VCAN: variants seen among roughly 807,000 people sequenced by gnomAD.
VCAN encodes versican core protein.
Under a neutral mutation model 245.5 loss-of-function variants are expected in VCAN, and 44 were observed. The ratio of observed to expected loss-of-function variants is 0.18; its 90% CI spans 0.14 to 0.23. VCAN has a LOEUF of 0.23. Ranked by LOEUF, VCAN falls within the 10% of genes least tolerant of loss-of-function variation. The pLI is 1.00. For synonymous variants in VCAN, 1,413 were observed against 1,437.0 expected, an observed-to-expected ratio of 0.98 and a Z score of 0.38; for missense variants, 3,793 against 4,057.9, an observed-to-expected ratio of 0.93 and a Z score of 1.77.
chr5:83,568,831 ATCAC>A (rs1748179268), intron 12 of VCAN, among the ~76,000 whole-genome samples: 1 of 152,168 alleles, frequency 6.6e-6, no homozygotes, highest in Admixed American at 6.5e-5. Flanking sequence ...TCAGTCTCAT[ATCAC>A]TCAGACATAA....
intron 5 of VCAN, among the ~76,000 whole-genome samples, chr5:83,508,583 G>A (rs1745552029): frequency 6.6e-6 from 1 of 152,180 alleles, no homozygotes; most frequent in South Asian, 2.1e-4. Flanking sequence ...GATTTAGGAA[G>A]GCTTAAATAG....
At chr5:83,554,440 G>A (rs1580062024) in intron 11 of VCAN, among the ~76,000 whole-genome samples, 1 of 152,118 alleles carries the variant, frequency 6.6e-6, no homozygotes, top group African/African-American at 2.4e-5. Context: ...CTCACCTCAT[G>A]GTAAAAGTAA....
Position 83,521,432 on chromosome 5 carries a change from A to G in VCAN, c.3126A>G (p.Ala1042=). The G allele has an allele frequency of 6.2e-7, 1 of 1,614,168 alleles. No individual in the cohort carries two copies. The highest frequency in any genetic ancestry group is 8.5e-7 in the Non-Finnish European group (1 of 1,180,008). Residue 1042 remains alanine (A), a synonymous_variant, in exon 7 of 15, where the codon GCA becomes GCG. Coordinates refer to ENST00000265077, the MANE Select transcript of VCAN (RefSeq NM_004385.5). The part of the protein sequence containing the change: ...QEEFPWKEQT[A]EKPVPALSST... ...AATTCCCTTGGAAAGAACAGACTGCAGAGAAACCAGTTCCTGCTCTCAGTT... is the reference window on the plus strand; with the variant it reads ...AATTCCCTTGGAAAGAACAGACTGCGGAGAAACCAGTTCCTGCTCTCAGTT...
rs545378666 is a variant in VCAN, at chr5:83,567,724, G to A, written c.9736-4692G>A. Reference sequence around the variant, plus strand: ...TCTTGTCCCTGGGGAGGCAACAAGCGTTTGAGGTGTGTTGCATGAACTTGA... The same window carrying A: ...TCTTGTCCCTGGGGAGGCAACAAGCATTTGAGGTGTGTTGCATGAACTTGA... On this transcript the variant is annotated intron_variant, in intron 12 of 14. Coordinates refer to ENST00000265077, the MANE Select transcript of VCAN (RefSeq NM_004385.5). Among the ~76,000 whole-genome samples, 29 of 152,334 alleles carry A rather than the reference G, an allele frequency of 1.9e-4. No individual in the cohort carries two copies. In the Middle Eastern group the frequency reaches 0.01, roughly 54 times the overall value.
chr5:83,506,798 T>C (rs991784887), intron 5 of VCAN, among the ~76,000 whole-genome samples: 1 of 152,016 alleles, frequency 6.6e-6, no homozygotes, highest in Non-Finnish European at 1.5e-5. Context: ...TTCCACATGG[T>C]TGGGGAGGCC....
intron 12 of VCAN, among the ~76,000 whole-genome samples, chr5:83,568,657 T>C (rs1654673335): frequency 6.6e-6 from 1 of 152,192 alleles, no homozygotes; most frequent in African/African-American, 2.4e-5. Context: ...CGGTGATATT[T>C]GTTAAGATTA....
At chr5:83,477,020 G>A (rs902212179) in intron 1 of VCAN, among the ~76,000 whole-genome samples, 1 of 152,010 alleles carries the variant, frequency 6.6e-6, no homozygotes, top group East Asian at 1.9e-4. Context: ...GATATTACTT[G>A]AGGTATAGTG....
intron 12 of VCAN, among the ~76,000 whole-genome samples, chr5:83,560,368 T>C (rs149233658): frequency 7.2e-5 from 11 of 152,198 alleles, no homozygotes; most frequent in African/African-American, 2.4e-4. Flanking sequence ...ATATCCAAAA[T>C]GGAGTGAAAC....
Position 83,520,823 on chromosome 5 carries a change from G to C in VCAN, c.2517G>C (p.Lys839Asn). The change falls in exon 7 of 15, where the codon AAG becomes AAC. Residue 839 changes from lysine (K) to asparagine (N), a missense_variant. Transcript: ENST00000265077. ...ALLTTVGMNGKDKDIPSFTED... is the reference protein window; with the variant it reads ...ALLTTVGMNGNDKDIPSFTED... ...TCACAACTGTGGGGATGAATGGAAA[G>C]GATAAAGACATCCCAAGTTTCACTG... 6.2e-7 allele frequency: 1 copy of C among 1,614,062 alleles called. No individual in the cohort carries two copies. The highest frequency in any genetic ancestry group is 8.5e-7 in the Non-Finnish European group (1 of 1,179,990).
chr5:83,579,858 A>T (rs1748607744), intron 13 of VCAN, 122 bp from the exon 14 acceptor site: 2 of 1,067,820 alleles, frequency 1.9e-6, no homozygotes, highest in African/African-American at 3.2e-5. Context: ...TCTTAATTCT[A>T]AAAGATTGCC....
intron 7 of VCAN, 121 bp downstream of exon 7, chr5:83,522,430 A>G: frequency 1.9e-6 from 2 of 1,056,918 alleles, no homozygotes; most frequent in Non-Finnish European, 2.8e-6. Context: ...GGAGTGTGAA[A>G]AATAAATGTT....
intron 5 of VCAN, among the ~76,000 whole-genome samples, chr5:83,507,453 A>G (rs1745516363): frequency 6.6e-6 from 1 of 152,220 alleles, no homozygotes; most frequent in African/African-American, 2.4e-5. Context: ...AAGAACTTTT[A>G]TTATTCACAT....
chr5:83,579,925 A>G, intron 13 of VCAN, 55 bp from the exon 14 acceptor site: 1 of 1,558,814 alleles, frequency 6.4e-7, no homozygotes. Context: ...TAAGAGACTC[A>G]TATTAGTTGA....
rs953519268 is a variant in VCAN, at chr5:83,501,004, TAATG to T, written c.748+7075_748+7078del. Among the ~76,000 whole-genome samples, 5 of 152,270 alleles carry T rather than the reference TAATG, an allele frequency of 3.3e-5. 1 individual carries two copies. The highest frequency in any genetic ancestry group is 3.9e-4 in the East Asian group (2 of 5,178). Reference sequence around the variant, plus strand: ...TATCTGACCTTTTGTGTAGCCATCTTAATGAGTGTAAAGTAGTATCTCTGTGGTT... The same window carrying T: ...TATCTGACCTTTTGTGTAGCCATCTTAGTGTAAAGTAGTATCTCTGTGGTT... On this transcript the variant is annotated intron_variant, in intron 5 of 14. Coordinates refer to ENST00000265077, the MANE Select transcript of VCAN (RefSeq NM_004385.5).
chr5:83,490,197 A>G lies in VCAN; in HGVS notation c.170A>G (p.Asn57Ser). Residue 57 changes from asparagine (N) to serine (S), a missense_variant, in exon 3 of 15, where the codon AAC becomes AGC. By Grantham distance (46) the Asn-to-Ser change is conservative (BLOSUM62 1). This residue lies in a region of VCAN where 179 missense variants were observed against 169.7 expected (regional missense o/e 1.05). Transcript: ENST00000265077. ...ATGCCTACTTTGCCACCCAGTTACA[A>G]CACCAGTGAATTTCTCCGCATCAAA... ...STMPTLPPSY[N>S]TSEFLRIKWS... is the part of the protein sequence containing the mutation. 1 of 1,614,140 alleles carries G rather than the reference A, an allele frequency of 6.2e-7. No individual in the cohort carries two copies. Among genetic ancestry groups the G allele is most frequent in the Admixed American group, 1.7e-5 (1 of 60,008 alleles).
At chr5:83,488,696 T>G (rs1331018338) in intron 2 of VCAN, among the ~76,000 whole-genome samples, 1 of 152,232 alleles carries the variant, frequency 6.6e-6, no homozygotes. Context: ...TTTTATTTAA[T>G]TTCATTAAGT....
At chr5:83,487,465 C>A (rs1371642554) in intron 2 of VCAN, among the ~76,000 whole-genome samples, 2 of 152,182 alleles carry the variant, frequency 1.3e-5, no homozygotes, top group Non-Finnish European at 2.9e-5. Flanking sequence ...CAGACAAATT[C>A]CTGTAGGTAG....
rs1373623768 is a variant in VCAN at position 83,580,887 on chromosome 5, G to A, written c.*453G>A. On this transcript the variant is annotated 3_prime_UTR_variant, in exon 15 of 15. Transcript: ENST00000265077. Reference sequence around the variant, plus strand: ...TTAGAGGTCTTTAATCATTGGTTCGGCTGCTTTTATGTAGTTTAGGCTGGA... The same window carrying A: ...TTAGAGGTCTTTAATCATTGGTTCGACTGCTTTTATGTAGTTTAGGCTGGA... The A allele has an allele frequency of 9.3e-6, 2 of 215,302 alleles. No homozygotes were observed. Among genetic ancestry groups the A allele is most frequent in the Non-Finnish European group, 1.9e-5 (2 of 106,262 alleles). 13.3% of individuals were successfully genotyped at this position (215,302 alleles called of 1,614,324 possible).
In VCAN at chr5:83,542,129, T is replaced by C; in HGVS notation, c.9126T>C (p.Asp3042=). The change falls in exon 8 of 15, where the codon GAT becomes GAC. Residue 3042 remains aspartate, a synonymous_variant. Coordinates refer to ENST00000265077, the MANE Select transcript of VCAN (RefSeq NM_004385.5). Reference sequence around the variant, plus strand: ...CAGCGAGAATTCTTGATTCCAATGATCAGGCAACAGTAAACCCTGTGGAAT... The same window carrying C: ...CAGCGAGAATTCTTGATTCCAATGACCAGGCAACAGTAAACCCTGTGGAAT... ...QVAARILDSN[D]QATVNPVEFN... 2 of 1,614,086 alleles carry C rather than the reference T, an allele frequency of 1.2e-6. No individual in the cohort carries two copies. Among genetic ancestry groups the C allele is most frequent in the Non-Finnish European group, 1.7e-6 (2 of 1,179,968 alleles).
Sources: gnomAD v4.1 joint callset for allele counts (sites outside exome capture counted in the v4.1 genomes callset) on GRCh38, gnomAD v4.1.1 for gene constraint, gnomAD v4.1.1 regional missense constraint, MANE v1.5 for transcripts, NCBI Gene and HGNC (gene_info 2026-07-23, HGNC 2026-07-21) for gene names.